The following ESR1 variants were observed in gnomAD, a reference collection of about 807,000 sequenced individuals.
ESR1 encodes the protein estrogen receptor.
ESR1 carries 12 observed loss-of-function variants against 52.7 expected under a neutral mutation model. The observed-to-expected ratio is 0.23, with a 90% CI of 0.15 to 0.37. ESR1 has a LOEUF of 0.37. Ranked by LOEUF, ESR1 falls within the 10% of genes least tolerant of loss-of-function variation. The pLI, the probability that ESR1 is intolerant of heterozygous loss-of-function variation, is 1.00. For synonymous variants in ESR1, 305 were observed against 316.8 expected (o/e 0.96, Z 0.39); for missense variants, 584 against 779.7 (o/e 0.75, Z 2.99).
intron 4 of ESR1, among the ~76,000 whole-genome samples, chr6:151,955,227 G>A (rs934730364): frequency 6.6e-6 from 1 of 152,076 alleles, no homozygotes; most frequent in African/African-American, 2.4e-5. Context: ...GATTTGCTTT[G>A]CCTTGATTAC....
intron 6 of ESR1, among the ~76,000 whole-genome samples, chr6:152,087,521 G>A (rs915508957): frequency 6.6e-6 from 1 of 152,156 alleles, no homozygotes; most frequent in Non-Finnish European, 1.5e-5. Flanking sequence ...CCACGAACAT[G>A]TTGATATCAT....
chr6:151,903,955 A>AT (rs1797069436), intron 3 of ESR1, among the ~76,000 whole-genome samples: 1 of 152,216 alleles, frequency 6.6e-6, no homozygotes, highest in Non-Finnish European at 1.5e-5. Context: ...GCACAGCAGT[A>AT]TTTTTGTCAA....
chr6:151,792,371 A>G (rs998015870), intron 2 of ESR1, among the ~76,000 whole-genome samples: 1 of 152,152 alleles, frequency 6.6e-6, no homozygotes, highest in Non-Finnish European at 1.5e-5. Flanking sequence ...TAAATTTATT[A>G]AAAATTTTTC....
At chr6:152,028,921 C>T (rs1427984821) in intron 5 of ESR1, among the ~76,000 whole-genome samples, 5 of 152,114 alleles carry the variant, frequency 3.3e-5, no homozygotes, top group South Asian at 2.1e-4. Context: ...CTCACATGGC[C>T]GGGTACTCCT....
chr6:152,078,280 A>C (rs557865751), intron 6 of ESR1, among the ~76,000 whole-genome samples: 1 of 152,190 alleles, frequency 6.6e-6, no homozygotes, highest in Non-Finnish European at 1.5e-5. Context: ...ATAAGGAAGA[A>C]GTATACTTGC....
At chr6:151,906,206 T>C (rs1797427322) in intron 3 of ESR1, among the ~76,000 whole-genome samples, 1 of 152,184 alleles carries the variant, frequency 6.6e-6, no homozygotes, top group African/African-American at 2.4e-5. Flanking sequence ...TAGAGAAGGA[T>C]AAATTCTAAC....
At chr6:152,058,212 T>TA (rs11285053) in intron 5 of ESR1, among the ~76,000 whole-genome samples, 20 of 150,928 alleles carry the variant, frequency 1.3e-4, no homozygotes, top group Non-Finnish European at 2.2e-4. Flanking sequence ...ATGAACTGCT[T>TA]AAAAAAAAAA....
At chr6:151,844,701 A>T (rs1456785452) in intron 2 of ESR1, among the ~76,000 whole-genome samples, 1 of 152,194 alleles carries the variant, frequency 6.6e-6, no homozygotes, top group African/African-American at 2.4e-5. Flanking sequence ...TGATCTAAAT[A>T]CCTTTATTTA....
chr6:151,751,675 A>T (rs553384082), intron 2 of ESR1, among the ~76,000 whole-genome samples: 28 of 152,320 alleles, frequency 1.8e-4, no homozygotes, highest in Admixed American at 5.2e-4. Flanking sequence ...ATCCAATTTA[A>T]ACAAAGTATT....
intron 2 of ESR1, among the ~76,000 whole-genome samples, chr6:151,880,371 C>T (rs369162147): frequency 7.2e-5 from 11 of 151,902 alleles, no homozygotes; most frequent in Admixed American, 2.0e-4. Context: ...TTAGTAGAGA[C>T]GGGGTTTCAC....
intron 2 of ESR1, among the ~76,000 whole-genome samples, chr6:151,873,822 A>G (rs1352519434): frequency 6.6e-6 from 1 of 152,218 alleles, no homozygotes; most frequent in Non-Finnish European, 1.5e-5. Context: ...TTACTTGTCA[A>G]CTTAAATTAT....
At position 152,100,030 on chromosome 6, in the gene ESR1, G is replaced by A; in HGVS notation, c.*1064G>A. The A allele has an allele frequency of 2.5e-6, 1 of 398,872 alleles. No individual in the cohort carries two copies. The highest frequency in any genetic ancestry group is 4.4e-5 in the Admixed American group (1 of 22,742). The allele number at this position is 398,872 out of a possible 1,614,324, so 24.7% of individuals were successfully genotyped here. On this transcript the variant is annotated 3_prime_UTR_variant, in exon 8 of 8. Transcript: ENST00000206249. ...TTGTTGTGGCTACTAGAGAACAAGAGGGAAAGTAGGGCAGAAACTGGATAC... is the reference window on the plus strand; with the variant it reads ...TTGTTGTGGCTACTAGAGAACAAGAAGGAAAGTAGGGCAGAAACTGGATAC...
At chr6:152,041,101 T>G (rs2045756438) in intron 5 of ESR1, among the ~76,000 whole-genome samples, 1 of 152,208 alleles carries the variant, frequency 6.6e-6, no homozygotes, top group Non-Finnish European at 1.5e-5. Flanking sequence ...GGCCAAGAGT[T>G]GTCTCTCACA....
intron 1 of ESR1, among the ~76,000 whole-genome samples, chr6:151,841,792 A>C (rs2128232221): frequency 6.6e-6 from 1 of 152,024 alleles, no homozygotes; most frequent in East Asian, 1.9e-4. Flanking sequence ...AGCCTACTGC[A>C]GCCTCGACAT....
intron 4 of ESR1, among the ~76,000 whole-genome samples, chr6:151,989,756 AG>A (rs1396681307): frequency 1.3e-5 from 2 of 152,124 alleles, no homozygotes; most frequent in Non-Finnish European, 2.9e-5. Flanking sequence ...TATCTATATT[AG>A]TTTTAATATA....
intron 2 of ESR1, among the ~76,000 whole-genome samples, chr6:151,867,558 C>T (rs1790164983): frequency 6.6e-6 from 1 of 152,136 alleles, no homozygotes; most frequent in Admixed American, 6.6e-5. Flanking sequence ...AAAAGCTCAT[C>T]ATCACTGGTC....
chr6:152,007,680 C>T (rs190077740), intron 4 of ESR1, among the ~76,000 whole-genome samples: 4 of 152,156 alleles, frequency 2.6e-5, no homozygotes, highest in Middle Eastern at 3.4e-3. Context: ...ACTACTTTTT[C>T]GATATGCATT....
At chr6:151,726,638 G>C (rs1398826035) in intron 2 of ESR1, among the ~76,000 whole-genome samples, 1 of 152,128 alleles carries the variant, frequency 6.6e-6, no homozygotes, top group African/African-American at 2.4e-5. Flanking sequence ...GCCCGGTCAA[G>C]AGTTTTAAAA....
At chr6:151,903,003 C>T (rs1796916429) in intron 3 of ESR1, among the ~76,000 whole-genome samples, 3 of 152,178 alleles carry the variant, frequency 2.0e-5, no homozygotes, top group Non-Finnish European at 4.4e-5. Flanking sequence ...ATTCAAAGTC[C>T]TCCACCTTCC....
Sources: gnomAD v4.1 joint callset for allele counts (sites outside exome capture counted in the v4.1 genomes callset) on GRCh38, gnomAD v4.1.1 for gene constraint, MANE v1.5 for transcripts, NCBI Gene and HGNC (gene_info 2026-07-23, HGNC 2026-07-21) for gene names.